The following BAZ2B variants were observed in gnomAD, a reference collection of about 807,000 sequenced individuals.
BAZ2B encodes the protein bromodomain adjacent to zinc finger domain 2B, also known as bromodomain adjacent to zinc finger domain protein 2B.
In BAZ2B, 91 loss-of-function variants were observed where a neutral mutation model predicts 246.0. The ratio of observed to expected loss-of-function variants is 0.37; its 90% CI spans 0.31 to 0.44. The LOEUF is 0.44. BAZ2B is among the 20% of genes least tolerant of loss of function. BAZ2B has a pLI of 1.00. For synonymous variants in BAZ2B, 855 were observed against 860.0 expected (o/e 0.99, Z 0.10); for missense variants, 2,332 against 2,533.7 (o/e 0.92, Z 1.71).
chr2:159,349,963 T>C lies in BAZ2B; in HGVS notation c.4608A>G (p.Pro1536=), dbSNP rs767353729. 2.5e-6 allele frequency: 4 copies of C among 1,614,230 alleles called. No homozygotes were observed. Among genetic ancestry groups the C allele is most frequent in the Admixed American group, 1.7e-5 (1 of 60,034 alleles). Residue 1536 remains proline, a synonymous_variant, in exon 28 of 37, where the codon CCA becomes CCG. Coordinates refer to ENST00000392783, the MANE Select transcript of BAZ2B (RefSeq NM_013450.4). The part of the protein sequence containing the change: ...NNLFNTGSSG[P]GKFYSPLPND... ...TGGGGAGAGGACTGTAGAACTTCCC[T>C]GGACCACTTGAACCAGTATTAAACA...
intron 27 of BAZ2B, among the ~76,000 whole-genome samples, chr2:159,360,903 G>T (rs1297584345): frequency 1.3e-5 from 2 of 152,204 alleles, no homozygotes; most frequent in Admixed American, 1.3e-4. Context: ...GTCATATGCA[G>T]AAAACTGAAA....
intron 1 of BAZ2B, among the ~76,000 whole-genome samples, chr2:159,561,645 C>T (rs757621487): frequency 5.9e-5 from 9 of 152,184 alleles, no homozygotes; most frequent in Non-Finnish European, 1.2e-4. Flanking sequence ...TGGCTTATGG[C>T]TACCATATCA....
intron 1 of BAZ2B, among the ~76,000 whole-genome samples, chr2:159,578,067 A>C (rs538708748): frequency 6.6e-6 from 1 of 152,302 alleles, no homozygotes; most frequent in Admixed American, 6.5e-5. Flanking sequence ...CCCTAGTATG[A>C]ACACATGAAA....
At chr2:159,390,343 T>C (rs1174596683) in intron 20 of BAZ2B, among the ~76,000 whole-genome samples, 1 of 152,152 alleles carries the variant, frequency 6.6e-6, no homozygotes. Context: ...TTTTTCTGTG[T>C]AGGTTTAGAA....
chr2:159,532,059 T>C (rs960051114), intron 2 of BAZ2B, among the ~76,000 whole-genome samples: 1 of 152,202 alleles, frequency 6.6e-6, no homozygotes, highest in Non-Finnish European at 1.5e-5. Context: ...CAGAAGTACA[T>C]TGTATTTCCA....
chr2:159,453,858 C>A, intron 3 of BAZ2B, 57 bp from the exon 4 acceptor site: 1 of 1,348,692 alleles, frequency 7.4e-7, no homozygotes, highest in Admixed American at 3.0e-5. Context: ...TGAGACTTAT[C>A]TGATTTCAGT....
intron 13 of BAZ2B, among the ~76,000 whole-genome samples, chr2:159,413,858 T>A (rs78582568): frequency 0.022 from 3,245 of 146,266 alleles, 116 homozygotes; most frequent in African/African-American, 0.071. Flanking sequence ...AGTTCGGAGG[T>A]CGCTCAAAAA....
At chr2:159,386,854 G>C (rs1225669593) in intron 21 of BAZ2B, among the ~76,000 whole-genome samples, 1 of 151,996 alleles carries the variant, frequency 6.6e-6, no homozygotes, top group South Asian at 2.1e-4. Flanking sequence ...ACTCAATTAT[G>C]AACTTAGATC....
At chr2:159,339,648 C>G (rs1409787271) in intron 31 of BAZ2B, among the ~76,000 whole-genome samples, 1 of 152,006 alleles carries the variant, frequency 6.6e-6, no homozygotes, top group Non-Finnish European at 1.5e-5. Context: ...TTCACAATAG[C>G]TAAAATATGG....
In BAZ2B at chr2:159,574,800, T is replaced by C. The variant is rs114327142; in HGVS notation, c.-45-18935A>G. On this transcript the variant is annotated intron_variant, in intron 1 of 36. Transcript: ENST00000392783. ...AAAATTCGAGATCAGCCTAACCCCATCTCTATTAAAAATACAAAAATTAGC... is the reference window on the plus strand; with the variant it reads ...AAAATTCGAGATCAGCCTAACCCCACCTCTATTAAAAATACAAAAATTAGC... Among the ~76,000 whole-genome samples, 1,209 of 151,776 alleles carry C rather than the reference T, an allele frequency of 8.0e-3. 20 individuals are homozygous for C. Among genetic ancestry groups the C allele is most frequent in the African/African-American group, 0.027 (1,135 of 41,398 alleles).
chr2:159,710,919 G>C, the BAZ2B span: 4 of 152,214 alleles, frequency 2.6e-5, no homozygotes, highest in African/African-American at 9.7e-5. Flanking sequence ...GTCACAGAAA[G>C]AAACAATATT....
chr2:159,393,623 T>C (rs2063609202), intron 20 of BAZ2B, among the ~76,000 whole-genome samples: 1 of 76,930 alleles, frequency 1.3e-5, no homozygotes. Flanking sequence ...ATTCTACTTC[T>C]GTTTCTTTTT....
At chr2:159,691,538 C>T in the BAZ2B span, among the ~76,000 whole-genome samples, 4 of 152,218 alleles carry the variant, frequency 2.6e-5, no homozygotes, top group African/African-American at 9.6e-5. Flanking sequence ...CATCTGTTTA[C>T]AAGATTGTTT....
rs190149423 is a variant in BAZ2B at position 159,518,299 on chromosome 2, A to G, written c.-3+37524T>C. 1.4e-4 allele frequency among the ~76,000 whole-genome samples: 22 copies of G among 152,336 alleles called. No homozygotes were observed. The East Asian group carries it at 4.2e-3, about 29-fold the overall frequency. On this transcript the variant is annotated intron_variant, in intron 2 of 36. Coordinates refer to ENST00000392783, the MANE Select transcript of BAZ2B (RefSeq NM_013450.4). The stretch of plus-strand genomic sequence containing the variant: ...TTACAATTCAGTTAAAAGGTAAGGA[A>G]CAAAAACCAGTTGGAAAAAGACTTG...
chr2:159,669,999 C>G, the BAZ2B span, among the ~76,000 whole-genome samples: 1 of 152,018 alleles, frequency 6.6e-6, no homozygotes, highest in Non-Finnish European at 1.5e-5. Flanking sequence ...GAGATCGAGT[C>G]TTGCTCTGTC....
At chr2:159,539,392 G>A (rs750357093) in intron 2 of BAZ2B, among the ~76,000 whole-genome samples, 1 of 152,106 alleles carries the variant, frequency 6.6e-6, no homozygotes, top group Non-Finnish European at 1.5e-5. Flanking sequence ...AATAATTTAG[G>A]GGCAACACAG....
chr2:159,624,570 C>T, the BAZ2B span, among the ~76,000 whole-genome samples: 1 of 152,228 alleles, frequency 6.6e-6, no homozygotes, highest in Non-Finnish European at 1.5e-5. Context: ...AGTGGACCTC[C>T]AGCAGACCTG....
chr2:159,544,254 G>T (rs1481561825), intron 2 of BAZ2B, among the ~76,000 whole-genome samples: 4 of 152,084 alleles, frequency 2.6e-5, no homozygotes, highest in Non-Finnish European at 1.5e-5. Context: ...GATAATAATG[G>T]TGTCTAACTC....
At chr2:159,336,855 G>A in intron 33 of BAZ2B, 87 bp downstream of exon 33, 1 of 1,154,710 alleles carries the variant, frequency 8.7e-7, no homozygotes, top group Non-Finnish European at 1.2e-6. Context: ...ATGACAATAG[G>A]TAATGTATAA....
Sources: gnomAD v4.1 joint callset for allele counts (sites outside exome capture counted in the v4.1 genomes callset) on GRCh38, gnomAD v4.1.1 for gene constraint, MANE v1.5 for transcripts, NCBI Gene and HGNC (gene_info 2026-07-23, HGNC 2026-07-21) for gene names.